Variants in RSF1 observed in about 807,000 individuals in gnomAD.
The protein encoded by RSF1 is remodeling and spacing factor 1, also known as HBV pX-associated protein 8.
In RSF1, 13 loss-of-function variants were observed where a neutral mutation model predicts 145.2. That is an observed-to-expected ratio of 0.09 (90% CI 0.06 to 0.14). RSF1 has a LOEUF of 0.14. Among genes scored for constraint, RSF1 ranks in the 10% least tolerant of loss-of-function variants. RSF1 has a pLI of 1.00. For missense variants in RSF1, 1,517 were observed against 1,718.2 expected, an observed-to-expected ratio of 0.88 and a Z score of 2.07; for synonymous variants, 577 against 592.6, an observed-to-expected ratio of 0.97 and a Z score of 0.38.
chr11:77,691,073 G>A (rs1590831754), intron 9 of RSF1, 86 bp downstream of exon 9: 1 of 1,344,860 alleles, frequency 7.4e-7, no homozygotes, highest in East Asian at 2.3e-5. Flanking sequence ...GCCAATCCTT[G>A]TTTTAGATGG....
chr11:77,689,929 C>T (rs537858184), intron 9 of RSF1, among the ~76,000 whole-genome samples: 18 of 152,144 alleles, frequency 1.2e-4, no homozygotes, highest in East Asian at 9.7e-4. Context: ...TTTGGAAGGC[C>T]GAGGCGGGTG....
In RSF1 at chr11:77,677,013, A is replaced by C. The variant is rs778064000; in HGVS notation, c.3134-14T>G. 1.2e-6 allele frequency: 2 copies of C among 1,605,460 alleles called. No individual in the cohort carries two copies. The highest frequency in any genetic ancestry group is 1.7e-6 in the Non-Finnish European group (2 of 1,174,956). ...CTCGGCCAACTCCTGAATTTGGGGG[A>C]GGGAAGTTCGGGGAGAGAAAAATAT... On this transcript the variant is annotated splice_polypyrimidine_tract_variant and intron_variant, in intron 12 of 15. Transcript: ENST00000308488.
the RSF1 span, chr11:77,869,311 TC>T: frequency 0.014 from 1,842 of 134,548 alleles, 31 homozygotes; most frequent in Middle Eastern, 0.034. Context: ...TATCTCTTTT[TC>T]TTTTTTTTTT....
intron 1 of RSF1, among the ~76,000 whole-genome samples, chr11:77,773,294 T>A (rs1948306951): frequency 6.6e-6 from 1 of 152,098 alleles, no homozygotes; most frequent in Admixed American, 6.6e-5. Flanking sequence ...TTTTTTTTTT[T>A]AGTGTACAAT....
At chr11:77,828,694 A>T in the RSF1 span, among the ~76,000 whole-genome samples, 1 of 152,032 alleles carries the variant, frequency 6.6e-6, no homozygotes, top group Non-Finnish European at 1.5e-5. Flanking sequence ...AAAGAAAGAA[A>T]ATTATAAAAC....
intron 1 of RSF1, among the ~76,000 whole-genome samples, chr11:77,769,863 A>G (rs921076259): frequency 1.3e-5 from 2 of 152,244 alleles, no homozygotes; most frequent in Admixed American, 6.5e-5. Context: ...GCAGAGATAC[A>G]GTTATGGAAA....
At chr11:77,820,771 G>T, upstream of RSF1, 2 of 1,494,520 alleles carry the variant, frequency 1.3e-6, no homozygotes, top group African/African-American at 1.4e-5. Flanking sequence ...TTGTGGTGCC[G>T]AGGGATGGCA....
At chr11:77,840,930 T>C in the RSF1 span, 1 of 420,776 alleles carries the variant, frequency 2.4e-6, no homozygotes, top group Non-Finnish European at 4.3e-6. Flanking sequence ...TAATCCATTT[T>C]GTGCTTAATC....
chr11:77,825,690 T>A (rs145591764), upstream of RSF1, among the ~76,000 whole-genome samples: 206 of 151,584 alleles, frequency 1.4e-3, 1 homozygote, highest in African/African-American at 3.3e-3. Flanking sequence ...TTACTACCCA[T>A]TTTTTTTGTT....
intron 13 of RSF1, 30 bp downstream of exon 13, chr11:77,676,762 G>C: frequency 6.3e-7 from 1 of 1,595,006 alleles, no homozygotes. Flanking sequence ...CTGGTATCTA[G>C]GGATCGGGGC....
intron 8 of RSF1, among the ~76,000 whole-genome samples, chr11:77,692,557 T>G (rs1960182125): frequency 6.6e-6 from 1 of 151,376 alleles, no homozygotes; most frequent in Non-Finnish European, 1.5e-5. Flanking sequence ...ACTTTTAAAT[T>G]TTTTAGAGAT....
Position 77,721,231 on chromosome 11 carries a change from T to C in RSF1, c.733+4314A>G, listed in dbSNP as rs192963247. ...CACATTTTGCTTCAACACTCTATGT[T>C]AGACATTCCCCAGGACTGTTTCCAG... On this transcript the variant is annotated intron_variant, in intron 5 of 15. Coordinates refer to ENST00000308488, the MANE Select transcript of RSF1 (RefSeq NM_016578.4). Among the ~76,000 whole-genome samples the C allele has an allele frequency of 4.6e-5, 7 of 152,334 alleles. No homozygotes were observed. The East Asian group carries it at 1.3e-3, about 29-fold the overall frequency.
the RSF1 span, chr11:77,850,771 CACATACACACACAT>C: frequency 2.9e-5 from 3 of 102,968 alleles, no homozygotes; most frequent in African/African-American, 1.5e-4. Context: ...AACACACACA[CACATACACACACAT>C]ACACACACAC....
the RSF1 span, among the ~76,000 whole-genome samples, chr11:77,867,092 T>C: frequency 6.6e-6 from 1 of 152,132 alleles, no homozygotes; most frequent in African/African-American, 2.4e-5. Flanking sequence ...CCTCCCTCCT[T>C]GGCCTCCCAA....
At chr11:77,709,920 G>A (rs1005997236) in intron 5 of RSF1, among the ~76,000 whole-genome samples, 4 of 152,030 alleles carry the variant, frequency 2.6e-5, no homozygotes, top group Admixed American at 1.3e-4. Context: ...CCTGACCAGT[G>A]ACAATTCTTT....
At chr11:77,781,789 T>G (rs11237290) in intron 1 of RSF1, among the ~76,000 whole-genome samples, 1,785 of 152,368 alleles carry the variant, frequency 0.012, 16 homozygotes, top group South Asian at 0.024. Flanking sequence ...AAATTTCCAG[T>G]TATAACTGCA....
chr11:77,852,239 A>AG, the RSF1 span, among the ~76,000 whole-genome samples: 133 of 133,834 alleles, frequency 9.9e-4, 1 homozygote, highest in Admixed American at 1.3e-3. Context: ...AAAAAAAAAA[A>AG]AAGAAGAAGA....
chr11:77,743,702 C>T (rs1565167295), intron 3 of RSF1, among the ~76,000 whole-genome samples: 1 of 152,108 alleles, frequency 6.6e-6, no homozygotes, highest in Non-Finnish European at 1.5e-5. Flanking sequence ...ATTCAGATGA[C>T]TTATTTCTTT....
chr11:77,868,282 C>T, the RSF1 span, among the ~76,000 whole-genome samples: 1 of 151,692 alleles, frequency 6.6e-6, no homozygotes, highest in East Asian at 1.9e-4. Flanking sequence ...TTCTTGATCT[C>T]CTGACCTCGT....
Sources: gnomAD v4.1 joint callset for allele counts (sites outside exome capture counted in the v4.1 genomes callset) on GRCh38, gnomAD v4.1.1 for gene constraint, MANE v1.5 for transcripts, NCBI Gene and HGNC (gene_info 2026-07-23, HGNC 2026-07-21) for gene names.